Variants in ADAMTS16 observed in about 807,000 individuals in gnomAD.
The protein encoded by ADAMTS16 is ADAM metallopeptidase with thrombospondin type 1 motif 16, also known as A disintegrin and metalloproteinase with thrombospondin motifs 16.
A neutral mutation model predicts 145.8 loss-of-function variants in ADAMTS16; 94 were observed. The observed-to-expected ratio is 0.64, with a 90% CI of 0.55 to 0.77. The LOEUF (loss-of-function observed/expected upper bound fraction) is 0.77. Ranked by LOEUF, ADAMTS16 falls within the 30% of genes least tolerant of loss-of-function variation. The pLI is 0.00. For synonymous variants in ADAMTS16, 659 were observed against 604.3 expected, an observed-to-expected ratio of 1.09 and a Z score of -1.33; for missense variants, 1,585 against 1,591.5, an observed-to-expected ratio of 1.00 and a Z score of 0.07.
chr5:5,237,982 C>T (rs1315944251), intron 14 of ADAMTS16, among the ~76,000 whole-genome samples: 1 of 152,154 alleles, frequency 6.6e-6, no homozygotes, highest in East Asian at 1.9e-4. Flanking sequence ...GCATATCCTA[C>T]GGAGTCCAAA....
chr5:5,232,605 T>A, intron 12 of ADAMTS16, 89 bp downstream of exon 12: 1 of 1,084,298 alleles, frequency 9.2e-7, no homozygotes, highest in Non-Finnish European at 1.2e-6. Flanking sequence ...CAGCTCTTTT[T>A]TTTTTTTTTT....
In ADAMTS16 at chr5:5,266,870, G is replaced by A. The variant is rs55897966; in HGVS notation, c.2789+4087G>A. On this transcript the variant is annotated intron_variant, in intron 18 of 22. Coordinates refer to ENST00000274181, the MANE Select transcript of ADAMTS16 (RefSeq NM_139056.4). ...TCTATCAAAACATCACTTTCCAAGC[G>A]AGACCATAATACAATTATTGAATTT... is the stretch of plus-strand genomic sequence containing the variant. 3.3e-3 allele frequency among the ~76,000 whole-genome samples: 497 copies of A among 152,228 alleles called. 1 individual carries two copies. Among genetic ancestry groups the A allele is most frequent in the East Asian group, 0.025 (127 of 5,174 alleles).
intron 8 of ADAMTS16, among the ~76,000 whole-genome samples, chr5:5,197,327 A>G (rs1302726385): frequency 6.6e-6 from 1 of 152,244 alleles, no homozygotes; most frequent in Non-Finnish European, 1.5e-5. Context: ...TGATAAAAGC[A>G]TGACATTGAA....
intron 3 of ADAMTS16, among the ~76,000 whole-genome samples, chr5:5,172,499 A>G (rs749434973): frequency 1.3e-5 from 2 of 152,036 alleles, no homozygotes. Context: ...TCATTGACCC[A>G]CTGGTCATTC....
intron 2 of ADAMTS16, chr5:5,142,208 C>T (rs1460432989): frequency 1.3e-5 from 2 of 152,136 alleles, no homozygotes; most frequent in Non-Finnish European, 2.9e-5. Context: ...GAAGAAAAGC[C>T]AGGGCTTCGT....
At chr5:5,206,295 G>A (rs376405510) in intron 9 of ADAMTS16, among the ~76,000 whole-genome samples, 3 of 145,684 alleles carry the variant, frequency 2.1e-5, no homozygotes, top group South Asian at 2.3e-4. Context: ...GCGTAGTGGC[G>A]GGCGCCTGTA....
At chr5:5,306,983 T>A (rs1339204754) in intron 21 of ADAMTS16, among the ~76,000 whole-genome samples, 1 of 152,158 alleles carries the variant, frequency 6.6e-6, no homozygotes, top group African/African-American at 2.4e-5. Context: ...CAATTAAGTA[T>A]AAGGAAATGC....
intron 10 of ADAMTS16, among the ~76,000 whole-genome samples, chr5:5,215,770 A>G (rs1001446811): frequency 7.8e-4 from 111 of 142,976 alleles, no homozygotes; most frequent in African/African-American, 2.6e-3. Flanking sequence ...TGTATGTGGT[A>G]TATATATATG....
At chr5:5,265,036 C>T (rs774814401) in intron 18 of ADAMTS16, among the ~76,000 whole-genome samples, 192 of 152,188 alleles carry the variant, frequency 1.3e-3, no homozygotes, top group Non-Finnish European at 1.3e-3. Context: ...TCATCAGGGG[C>T]TCCCTCTGTG....
At chr5:5,195,004 A>C (rs1276041098) in intron 8 of ADAMTS16, among the ~76,000 whole-genome samples, 1 of 152,244 alleles carries the variant, frequency 6.6e-6, no homozygotes, top group African/African-American at 2.4e-5. Context: ...ACTCAAATAA[A>C]GATTTCAGTT....
intron 17 of ADAMTS16, among the ~76,000 whole-genome samples, chr5:5,259,720 A>T (rs1382750659): frequency 6.6e-6 from 1 of 152,268 alleles, no homozygotes; most frequent in Admixed American, 6.5e-5. Flanking sequence ...GTGAACATGC[A>T]GTAGCTACCA....
At chr5:5,200,041 A>G in intron 8 of ADAMTS16, 91 bp from the exon 9 acceptor site, 1 of 1,430,218 alleles carries the variant, frequency 7.0e-7, no homozygotes, top group Non-Finnish European at 9.3e-7. Flanking sequence ...AGGGAGTCTC[A>G]CAGTCTTGAC....
intron 18 of ADAMTS16, among the ~76,000 whole-genome samples, chr5:5,264,953 G>A (rs114411243): frequency 0.018 from 2,817 of 152,288 alleles, 84 homozygotes; most frequent in African/African-American, 0.064. Context: ...CTGCAGGAGA[G>A]CTGGCTGCTG....
At position 5,305,373 on chromosome 5, in the gene ADAMTS16, CCA is replaced by C. The variant is rs1332031749; in HGVS notation, c.3187-1120_3187-1119del. ...TCCCACACCACACACACATCCCACACCACACACACACAATCCCACACCACACA... is the reference window on the plus strand; with the variant it reads ...TCCCACACCACACACACATCCCACACCACACACACAATCCCACACCACACA... On this transcript the variant is annotated intron_variant, in intron 20 of 22. Transcript: ENST00000274181. 3.5e-4 allele frequency among the ~76,000 whole-genome samples: 23 copies of C among 65,736 alleles called. 2 individuals are homozygous for C. Among genetic ancestry groups the C allele is most frequent in the African/African-American group, 1.1e-3 (18 of 16,910 alleles). The allele number at this position is 65,736 out of a possible 152,430, so 43.1% of individuals were successfully genotyped here.
At chr5:5,168,739 T>G (rs1389370990) in intron 3 of ADAMTS16, among the ~76,000 whole-genome samples, 1 of 139,528 alleles carries the variant, frequency 7.2e-6, no homozygotes, top group Non-Finnish European at 1.5e-5. Flanking sequence ...TATAATTATA[T>G]AAAATATAAT....
chr5:5,143,968 C>A (rs555248356), intron 2 of ADAMTS16, among the ~76,000 whole-genome samples: 6 of 145,066 alleles, frequency 4.1e-5, no homozygotes, highest in African/African-American at 1.1e-4. Context: ...CATCACACAC[C>A]GGGCTTGTTG....
At chr5:5,234,914 ATT>A in intron 12 of ADAMTS16, 98 bp from the exon 13 acceptor site, 4 of 894,946 alleles carry the variant, frequency 4.5e-6, no homozygotes, top group Non-Finnish European at 6.1e-6. Context: ...CTAATTACCC[ATT>A]CTAACACTCT....
At chr5:5,176,595 G>A (rs911239128) in intron 3 of ADAMTS16, among the ~76,000 whole-genome samples, 4 of 152,090 alleles carry the variant, frequency 2.6e-5, no homozygotes, top group Middle Eastern at 3.2e-3. Context: ...TCAGTGATGA[G>A]ATTTTAACGT....
intron 3 of ADAMTS16, among the ~76,000 whole-genome samples, chr5:5,178,943 G>A (rs990637590): frequency 1.3e-5 from 2 of 151,976 alleles, no homozygotes; most frequent in Non-Finnish European, 2.9e-5. Context: ...GCTTCAGAGG[G>A]ATCTCCAACT....
Sources: gnomAD v4.1 joint callset for allele counts (sites outside exome capture counted in the v4.1 genomes callset) on GRCh38, gnomAD v4.1.1 for gene constraint, MANE v1.5 for transcripts, NCBI Gene and HGNC (gene_info 2026-07-23, HGNC 2026-07-21) for gene names.